TMCC1: variants seen among roughly 807,000 people sequenced by gnomAD.
TMCC1 encodes transmembrane and coiled-coil domain family 1.
A neutral mutation model predicts 52.4 loss-of-function variants in TMCC1; 15 were observed. The ratio of observed to expected loss-of-function variants is 0.29; its 90% confidence interval spans 0.19 to 0.44. The LOEUF (loss-of-function observed/expected upper bound fraction) is 0.44. TMCC1 is among the 20% of genes least tolerant of loss of function. The pLI is 1.00. For missense variants in TMCC1, 503 were observed against 806.0 expected (o/e 0.62, Z 4.55); for synonymous variants, 279 against 301.9 (o/e 0.92, Z 0.79).
chr3:129,651,911 T>C lies in TMCC1; in HGVS notation c.1648-116A>G, dbSNP rs1387628811. The C allele has an allele frequency of 2.7e-6, 3 of 1,119,162 alleles. No homozygotes were observed. The highest frequency in any genetic ancestry group is 3.7e-6 in the Non-Finnish European group (3 of 807,398). The allele number at this position is 1,119,162 out of a possible 1,614,324, so 69.3% of individuals were successfully genotyped here. A position where few individuals can be genotyped will look rare whatever the true frequency, so the allele number is the denominator to read the frequency against. On this transcript the variant is annotated intron_variant, in intron 6 of 6. Transcript: ENST00000393238. This position sits in a 1 kb window ranked among gnomAD's most constrained non-coding sequence, Gnocchi z 5.1. ...AGCAATGCCAATGATTTTATAAATA[T>C]GCTGGAGCCTTGAATGAATGTAAAA...
At chr3:129,777,787 T>C (rs1336316296) in intron 4 of TMCC1, among the ~76,000 whole-genome samples, 1 of 152,234 alleles carries the variant, frequency 6.6e-6, no homozygotes, top group Non-Finnish European at 1.5e-5. Flanking sequence ...AAAAGCAATC[T>C]GTGCAGAATA....
At chr3:129,838,430 AAAAG>A (rs1275224656) in intron 2 of TMCC1, among the ~76,000 whole-genome samples, 1 of 151,680 alleles carries the variant, frequency 6.6e-6, no homozygotes, top group Non-Finnish European at 1.5e-5. Context: ...GAAAAAGAAA[AAAAG>A]AAAAAGAAAC....
chr3:129,802,185 T>A (rs753427951), intron 4 of TMCC1, among the ~76,000 whole-genome samples: 5 of 152,242 alleles, frequency 3.3e-5, no homozygotes, highest in Non-Finnish European at 5.9e-5. Context: ...TTGCATAAAC[T>A]GTAAAGTTGG....
At chr3:129,736,312 G>A (rs1166574776) in intron 4 of TMCC1, among the ~76,000 whole-genome samples, 3 of 152,152 alleles carry the variant, frequency 2.0e-5, no homozygotes, top group African/African-American at 7.2e-5. Flanking sequence ...TGCAGAGCCT[G>A]CCAGAATGCT....
At chr3:129,731,460 C>G (rs1259982545) in intron 4 of TMCC1, among the ~76,000 whole-genome samples, 1 of 152,164 alleles carries the variant, frequency 6.6e-6, no homozygotes, top group African/African-American at 2.4e-5. Context: ...TGCCTGTAAT[C>G]CCAGCTACTT....
Position 129,729,978 on chromosome 3 carries a change from A to T in TMCC1, c.577-58714T>A, listed in dbSNP as rs577309717. The stretch of plus-strand genomic sequence containing the variant: ...AGACCTTGTCTCTGCTTTTAAAAAA[A>T]TTTTTAAATAAATAAAATAAAAAAA... On this transcript the variant is annotated intron_variant, in intron 4 of 6. Coordinates refer to ENST00000393238, the MANE Select transcript of TMCC1 (RefSeq NM_001017395.5). Among the ~76,000 whole-genome samples the T allele has an allele frequency of 7.2e-5, 11 of 152,124 alleles. 1 individual carries two copies. The highest frequency in any genetic ancestry group is 5.2e-4 in the Admixed American group (8 of 15,268).
intron 2 of TMCC1, among the ~76,000 whole-genome samples, chr3:129,861,872 T>C (rs887818570): frequency 1.3e-5 from 2 of 152,332 alleles, no homozygotes; most frequent in East Asian, 3.9e-4. Flanking sequence ...TTTCTAGGCA[T>C]ATATGTATAG....
chr3:129,821,152 A>G (rs1379020637), intron 4 of TMCC1, among the ~76,000 whole-genome samples: 1 of 152,118 alleles, frequency 6.6e-6, no homozygotes, highest in African/African-American at 2.4e-5. Context: ...CTCTGCCTTT[A>G]TATTACACTC....
At chr3:129,887,103 T>C (rs998549441) in intron 1 of TMCC1, among the ~76,000 whole-genome samples, 1 of 152,144 alleles carries the variant, frequency 6.6e-6, no homozygotes. Flanking sequence ...TTTGGGGTGA[T>C]GAAAATGTTC....
chr3:129,811,527 C>T (rs1411972671), intron 4 of TMCC1, among the ~76,000 whole-genome samples: 1 of 152,068 alleles, frequency 6.6e-6, no homozygotes, highest in Non-Finnish European at 1.5e-5. Context: ...ATCAGCCTCC[C>T]AAAGTGCTGG....
chr3:129,775,371 G>A (rs931214550), intron 4 of TMCC1, among the ~76,000 whole-genome samples: 1 of 152,126 alleles, frequency 6.6e-6, no homozygotes, highest in African/African-American at 2.4e-5. Context: ...GGAGCCTGAG[G>A]TGGGAGGACT....
At chr3:129,769,516 C>T (rs1229030674) in intron 4 of TMCC1, among the ~76,000 whole-genome samples, 1 of 151,272 alleles carries the variant, frequency 6.6e-6, no homozygotes, top group Non-Finnish European at 1.5e-5. Context: ...AAGCGTGAGC[C>T]CCTGCGCCCA....
At chr3:129,803,104 T>C (rs2057284704) in intron 4 of TMCC1, among the ~76,000 whole-genome samples, 1 of 152,232 alleles carries the variant, frequency 6.6e-6, no homozygotes, top group South Asian at 2.1e-4. Context: ...ATTAATTCAT[T>C]CACGAGGGCA....
At chr3:129,761,929 T>C (rs544446373) in intron 4 of TMCC1, among the ~76,000 whole-genome samples, 130 of 133,914 alleles carry the variant, frequency 9.7e-4, no homozygotes, top group Non-Finnish European at 1.5e-3. Context: ...AGGCAGAGGT[T>C]GCAGTAAGCC....
intron 1 of TMCC1, among the ~76,000 whole-genome samples, chr3:129,890,437 T>C (rs1370116252): frequency 6.6e-6 from 1 of 152,262 alleles, no homozygotes; most frequent in Non-Finnish European, 1.5e-5. Context: ...AATCAGATTC[T>C]AATTCTGCAA....
intron 4 of TMCC1, among the ~76,000 whole-genome samples, chr3:129,763,090 T>C (rs918766908): frequency 1.3e-5 from 2 of 150,846 alleles, no homozygotes; most frequent in African/African-American, 2.4e-5. Context: ...CCCAGCTACT[T>C]GGGAGGCTGA....
At chr3:129,718,880 T>C (rs1371949328) in intron 4 of TMCC1, among the ~76,000 whole-genome samples, 5 of 152,170 alleles carry the variant, frequency 3.3e-5, no homozygotes, top group Admixed American at 3.3e-4. Flanking sequence ...TGGTCAGCAA[T>C]AGACTGTTAG....
At chr3:129,768,682 A>G (rs892652249) in intron 4 of TMCC1, among the ~76,000 whole-genome samples, 4 of 152,072 alleles carry the variant, frequency 2.6e-5, no homozygotes, top group African/African-American at 2.4e-5. Flanking sequence ...AGGATAAAAT[A>G]TAACACTGCT....
At chr3:129,802,564 G>T (rs1299869528) in intron 4 of TMCC1, among the ~76,000 whole-genome samples, 2 of 152,190 alleles carry the variant, frequency 1.3e-5, no homozygotes, top group African/African-American at 2.4e-5. Context: ...CTATGATAGT[G>T]CCACTGCACT....
Sources: allele counts gnomAD v4.1 joint callset (sites outside exome capture counted in the v4.1 genomes callset), GRCh38; gene constraint gnomAD v4.1.1; non-coding constraint Gnocchi (gnomAD v3.1); transcripts MANE v1.5; gene names NCBI Gene and HGNC (gene_info 2026-07-23, HGNC 2026-07-21).